FBP1: variants seen among roughly 807,000 people sequenced by gnomAD.
FBP1 encodes fructose-1,6-bisphosphatase 1.
In FBP1, 22 loss-of-function variants were observed where a neutral mutation model predicts 29.9. The ratio of observed to expected loss-of-function variants is 0.74; its 90% CI spans 0.53 to 1.05. The LOEUF (loss-of-function observed/expected upper bound fraction) is 1.05, where lower values mean the gene tolerates loss of function less well. FBP1 is among the 50% of genes least tolerant of loss of function. FBP1 has a pLI of 0.00. For synonymous variants in FBP1, 175 were observed against 178.6 expected, an observed-to-expected ratio of 0.98 and a Z score of 0.16; for missense variants, 345 against 448.2, an observed-to-expected ratio of 0.77 and a Z score of 2.08.
rs764960075 is a variant in FBP1 at position 94,610,014 on chromosome 9, C to T, written c.474G>A (p.Arg158=). 1.9e-6 allele frequency: 3 copies of T among 1,613,904 alleles called. No individual in the cohort carries two copies. Among genetic ancestry groups the T allele is most frequent in the Admixed American group, 1.7e-5 (1 of 60,012 alleles). ...PSEKDALQPG[R]NLVAAGYALY... is the part of the protein sequence containing the mutation. ...GTGCGTAGCCGGCTGCCACCAGGTT[C>T]CGGCCTGGTTGCAGAGCATCCTTCT... Residue 158 remains arginine, a synonymous_variant, in exon 4 of 7, where the codon CGG becomes CGA. Coordinates refer to ENST00000375326, the MANE Select transcript of FBP1 (RefSeq NM_000507.4).
At chr9:94,627,333 C>A (rs2131497422) in intron 1 of FBP1, among the ~76,000 whole-genome samples, 1 of 152,064 alleles carries the variant, frequency 6.6e-6, no homozygotes, top group South Asian at 2.1e-4. Context: ...CCAGCCTGGG[C>A]AAAAAAGAGT....
chr9:94,626,097 AC>A (rs765173116), intron 1 of FBP1, among the ~76,000 whole-genome samples: 18 of 151,914 alleles, frequency 1.2e-4, no homozygotes, highest in Non-Finnish European at 2.4e-4. Context: ...TCTTCTCTTT[AC>A]CCCCAGTAAG....
rs58726402 is a variant in FBP1 at position 94,621,398 on chromosome 9, A to AAAAAAAAATAT, written c.171-908_171-907insATATTTTTTTT. Among the ~76,000 whole-genome samples, 34 of 146,158 alleles carry AAAAAAAAATAT rather than the reference A, an allele frequency of 2.3e-4. 2 individuals carry two copies. Among genetic ancestry groups the AAAAAAAAATAT allele is most frequent in the African/African-American group, 8.2e-4 (31 of 37,890 alleles). On this transcript the variant is annotated intron_variant, in intron 1 of 6. Transcript: ENST00000375326. The stretch of plus-strand genomic sequence containing the variant: ...GCGACAGAGCAAGATTCCGTCTAAA[A>AAAAAAAAATAT]ATATATATATTTTTAGAAGAAAGGA...
rs1018932105 is a variant in FBP1, at chr9:94,604,610, C to T, written c.825+847G>A. Among the ~76,000 whole-genome samples, 6 of 152,142 alleles carry T rather than the reference C, an allele frequency of 3.9e-5. No individual in the cohort carries two copies. In the South Asian group the frequency reaches 1.2e-3, roughly 32 times the overall value. ...ACCAGCCTGGTCAACAAGGTGAAACCCCGTCTCTACTAAAAATATAAAAAT... is the reference window on the plus strand; with the variant it reads ...ACCAGCCTGGTCAACAAGGTGAAACTCCGTCTCTACTAAAAATATAAAAAT... On this transcript the variant is annotated intron_variant, in intron 6 of 6. Coordinates refer to ENST00000375326, the MANE Select transcript of FBP1 (RefSeq NM_000507.4).
At chr9:94,634,166 G>T (rs991121884) in intron 1 of FBP1, among the ~76,000 whole-genome samples, 1 of 151,346 alleles carries the variant, frequency 6.6e-6, no homozygotes, top group Non-Finnish European at 1.5e-5. Flanking sequence ...CTTGGTGGTG[G>T]GCGCCTGTAA....
chr9:94,617,636 T>G, intron 3 of FBP1, 132 bp downstream of exon 3: 11 of 713,316 alleles, frequency 1.5e-5, no homozygotes, highest in Non-Finnish European at 7.7e-6. Context: ...GCTCAGAACT[T>G]GAGATACAAA....
intron 1 of FBP1, among the ~76,000 whole-genome samples, chr9:94,626,110 G>A (rs1341495813): frequency 2.6e-5 from 4 of 152,140 alleles, no homozygotes; most frequent in Non-Finnish European, 4.4e-5. Flanking sequence ...CCCAGTAAGC[G>A]TCCTTCCCCT....
chr9:94,621,416 A>G, intron 1 of FBP1, among the ~76,000 whole-genome samples: 1 of 132,696 alleles, frequency 7.5e-6, no homozygotes, highest in Non-Finnish European at 1.7e-5. Flanking sequence ...TATTTTTAGA[A>G]GAAAGGAAGG....
intron 1 of FBP1, among the ~76,000 whole-genome samples, chr9:94,623,087 C>T (rs547398408): frequency 6.6e-6 from 1 of 152,128 alleles, no homozygotes; most frequent in African/African-American, 2.4e-5. Context: ...CAGGTTCAAG[C>T]GATTCTCGTG....
chr9:94,612,985 CCTAT>C (rs1029413235), intron 3 of FBP1, among the ~76,000 whole-genome samples: 2 of 152,208 alleles, frequency 1.3e-5, no homozygotes, highest in African/African-American at 2.4e-5. Context: ...CCTTTCTCTG[CCTAT>C]CTGAGGCCAC....
At chr9:94,612,893 G>A (rs1827806936) in intron 3 of FBP1, among the ~76,000 whole-genome samples, 2 of 152,024 alleles carry the variant, frequency 1.3e-5, no homozygotes, top group African/African-American at 4.8e-5. Context: ...TCCTCCAAGG[G>A]AAACATATTC....
At chr9:94,624,472 G>T (rs935372263) in intron 1 of FBP1, among the ~76,000 whole-genome samples, 2 of 152,110 alleles carry the variant, frequency 1.3e-5, no homozygotes, top group Non-Finnish European at 2.9e-5. Flanking sequence ...GACCAATATG[G>T]TGAAGTCCTA....
At chr9:94,637,643 G>A (rs181186044) in intron 1 of FBP1, among the ~76,000 whole-genome samples, 8 of 151,888 alleles carry the variant, frequency 5.3e-5, no homozygotes, top group South Asian at 4.2e-4. Context: ...CACCTGTTTC[G>A]GCCTCCCAAA....
chr9:94,614,837 G>T (rs1009331266), intron 3 of FBP1, among the ~76,000 whole-genome samples: 1 of 152,030 alleles, frequency 6.6e-6, no homozygotes, highest in Admixed American at 6.5e-5. Flanking sequence ...AATCAATAAG[G>T]CTTCAAAAAA....
In FBP1 at chr9:94,631,126, T is replaced by C. The variant is rs1269909932; in HGVS notation, c.170+8015A>G. On this transcript the variant is annotated intron_variant, in intron 1 of 6. Coordinates refer to ENST00000375326, the MANE Select transcript of FBP1 (RefSeq NM_000507.4). The stretch of plus-strand genomic sequence containing the variant: ...TTCTTGACATTTCACTTCAATTTTA[T>C]TCAAATTAGTTGGCCCTGCAGCCCA... Among the ~76,000 whole-genome samples, 3 of 152,230 alleles carry C rather than the reference T, an allele frequency of 2.0e-5. No individual in the cohort carries two copies. The East Asian group carries it at 5.8e-4, about 29-fold the overall frequency.
intron 1 of FBP1, 104 bp from the exon 2 acceptor site, chr9:94,620,595 G>A: frequency 8.8e-7 from 1 of 1,132,034 alleles, no homozygotes; most frequent in South Asian, 1.3e-5. Context: ...TTAGAAGAAA[G>A]AGTTCATGTC....
At chr9:94,611,008 C>A (rs1015672476) in intron 3 of FBP1, among the ~76,000 whole-genome samples, 1 of 152,014 alleles carries the variant, frequency 6.6e-6, no homozygotes, top group Non-Finnish European at 1.5e-5. Context: ...GGAGTACAGG[C>A]GCCTGCCACC....
chr9:94,629,006 G>C (rs1432857474), intron 1 of FBP1, among the ~76,000 whole-genome samples: 2 of 152,048 alleles, frequency 1.3e-5, no homozygotes, highest in African/African-American at 4.8e-5. Context: ...TTTTGAGACA[G>C]AGTCTCGCTC....
chr9:94,638,803 G>C (rs1008071553), intron 1 of FBP1, among the ~76,000 whole-genome samples: 4 of 152,186 alleles, frequency 2.6e-5, no homozygotes, highest in African/African-American at 9.7e-5. Flanking sequence ...CGGGTATGAC[G>C]GGCAGGCCAG....
Sources: gnomAD v4.1 joint callset for allele counts (sites outside exome capture counted in the v4.1 genomes callset) on GRCh38, gnomAD v4.1.1 for gene constraint, MANE v1.5 for transcripts, NCBI Gene and HGNC (gene_info 2026-07-23, HGNC 2026-07-21) for gene names.